The following ASRGL1 variants were observed in gnomAD, a reference collection of about 807,000 sequenced individuals.
The protein encoded by ASRGL1 is isoaspartyl peptidase/L-asparaginase.
ASRGL1 carries 16 observed loss-of-function variants against 22.4 expected under a neutral mutation model. That is an observed-to-expected ratio of 0.71 (90% CI 0.48 to 1.08). ASRGL1 has a LOEUF of 1.08. Among genes scored for constraint, ASRGL1 ranks in the 50% least tolerant of loss-of-function variants. The pLI is 0.00. For missense variants in ASRGL1, 412 were observed against 410.1 expected (o/e 1.00, Z -0.04); for synonymous variants, 165 against 159.3 (o/e 1.04, Z -0.27).
intron 4 of ASRGL1, chr11:62,382,959 T>G (rs1470478300): frequency 6.6e-6 from 1 of 152,238 alleles, no homozygotes; most frequent in Non-Finnish European, 1.5e-5. Flanking sequence ...GACACAGGGT[T>G]GGGGTAGGGT....
chr11:62,372,908 C>T (rs1946811195), intron 4 of ASRGL1: 1 of 1,584,006 alleles, frequency 6.3e-7, no homozygotes, highest in Non-Finnish European at 8.7e-7. Flanking sequence ...GAATCTGGAG[C>T]CTGGCTTGTG....
At position 62,356,342 on chromosome 11, in the gene ASRGL1, A is replaced by C. The variant is rs369577718; in HGVS notation, c.208A>C (p.Asn70His). Residue 70 changes from asparagine to histidine, a missense_variant, in exon 3 of 7, where the codon AAC becomes CAC. Physicochemically the swap from Asn to His is moderately conservative, Grantham distance 68 (BLOSUM62 1). Transcript: ENST00000415229. The part of the protein sequence containing the change: ...EFNAGCGSVL[N>H]TNGEVEMDAS... ...GGTTTTAGGTTGTGGGTCTGTCTTG[A>C]ACACAAATGGTGAGGTTGAAATGGA... 6.2e-7 allele frequency: 1 copy of C among 1,614,022 alleles called. No individual in the cohort carries two copies.
intron 4 of ASRGL1, among the ~76,000 whole-genome samples, chr11:62,359,938 T>A (rs1946393261): frequency 6.6e-6 from 1 of 151,968 alleles, no homozygotes; most frequent in Admixed American, 6.6e-5. Flanking sequence ...TTAATAAAAA[T>A]TTTGTATATT....
chr11:62,391,311 C>T (rs904689769), intron 5 of ASRGL1, among the ~76,000 whole-genome samples: 5 of 152,212 alleles, frequency 3.3e-5, no homozygotes, highest in Non-Finnish European at 7.3e-5. Context: ...CAGGCCTGCC[C>T]CTCTGAGGCT....
chr11:62,348,269 T>G (rs569053502), intron 2 of ASRGL1, among the ~76,000 whole-genome samples: 23 of 152,176 alleles, frequency 1.5e-4, no homozygotes, highest in Non-Finnish European at 2.6e-4. Flanking sequence ...ATAGACCACA[T>G]GGCCAGCCAC....
chr11:62,375,481 T>TATATATATATATATATA (rs1565169625), intron 4 of ASRGL1, among the ~76,000 whole-genome samples: 1 of 84,686 alleles, frequency 1.2e-5, no homozygotes, highest in Non-Finnish European at 2.7e-5. Context: ...TATATATATA[T>TATATATATATATATATA]TTCTTGGAGT....
chr11:62,339,847 T>C (rs1945821505), intron 2 of ASRGL1, among the ~76,000 whole-genome samples: 1 of 152,220 alleles, frequency 6.6e-6, no homozygotes, highest in Admixed American at 6.5e-5. Context: ...AAATACTTCC[T>C]GGAATTATAC....
At chr11:62,373,463 T>TG (rs931128898) in intron 4 of ASRGL1, among the ~76,000 whole-genome samples, 38 of 146,804 alleles carry the variant, frequency 2.6e-4, no homozygotes, top group African/African-American at 9.9e-4. Flanking sequence ...AATCTAGGTG[T>TG]TTTTTTTTTC....
chr11:62,387,540 C>T (rs913681904), intron 4 of ASRGL1, among the ~76,000 whole-genome samples: 8 of 152,162 alleles, frequency 5.3e-5, no homozygotes, highest in African/African-American at 1.7e-4. Context: ...CCACACTGGC[C>T]TCCTTCAAAT....
rs1232305975 is a variant in ASRGL1 at position 62,356,465 on chromosome 11, A to G, written c.331A>G (p.Lys111Glu). The change falls in exon 3 of 7, where the codon AAG becomes GAG. Residue 111 changes from lysine (K) to glutamate (E), a missense_variant and splice_region_variant. Transcript: ENST00000415229. ...PIKLARLVME[K>E]TPHCFLTDQG... Reference sequence around the variant, plus strand: ...TAAACTTGCTCGGCTTGTCATGGAAAAGGTATATGTGACTAAAGCAGCCTT... The same window carrying G: ...TAAACTTGCTCGGCTTGTCATGGAAGAGGTATATGTGACTAAAGCAGCCTT... 3.7e-6 allele frequency: 6 copies of G among 1,614,150 alleles called. No individual in the cohort carries two copies. The South Asian group carries it at 5.5e-5, about 15-fold the overall frequency.
the ASRGL1 span, among the ~76,000 whole-genome samples, chr11:62,399,033 T>C: frequency 6.6e-6 from 1 of 152,080 alleles, no homozygotes; most frequent in Non-Finnish European, 1.5e-5. Context: ...CTGGACGTGG[T>C]GGTGCAAAAC....
intron 4 of ASRGL1, chr11:62,371,048 A>G (rs1410448016): frequency 3.7e-5 from 18 of 484,110 alleles, no homozygotes; most frequent in Non-Finnish European, 4.9e-5. Flanking sequence ...GGGCCAGGAA[A>G]AAAAAAAAAG....
chr11:62,345,313 TC>T (rs1945988901), intron 2 of ASRGL1, among the ~76,000 whole-genome samples: 1 of 152,062 alleles, frequency 6.6e-6, no homozygotes. Flanking sequence ...TTGCTTTTTT[TC>T]CTGGAGTGCA....
At chr11:62,371,374 G>A in intron 4 of ASRGL1, 1 of 715,620 alleles carries the variant, frequency 1.4e-6, no homozygotes, top group South Asian at 2.0e-5. Flanking sequence ...CAAGGTGGGC[G>A]GTGCGGCTGT....
rs754181082 is a variant in ASRGL1 at position 62,356,339 on chromosome 11, T to C, written c.205T>C (p.Leu69=). The C allele has an allele frequency of 1.1e-5, 18 of 1,614,190 alleles. No homozygotes were observed. In the South Asian group the frequency reaches 2.0e-4, roughly 18 times the overall value. The change falls in exon 3 of 7, where the codon TTG becomes CTG. Residue 69 remains leucine (L), a synonymous_variant. Transcript: ENST00000415229. ...TTTGGTTTTAGGTTGTGGGTCTGTC[T>C]TGAACACAAATGGTGAGGTTGAAAT... The part of the protein sequence containing the change: ...PEFNAGCGSV[L]NTNGEVEMDA...
At chr11:62,348,575 C>T (rs1235511602) in intron 2 of ASRGL1, among the ~76,000 whole-genome samples, 2 of 151,918 alleles carry the variant, frequency 1.3e-5, no homozygotes, top group East Asian at 1.9e-4. Context: ...TGGTGTCTCA[C>T]GCCAGTAATC....
intron 4 of ASRGL1, chr11:62,382,997 A>G (rs575496402): frequency 6.6e-6 from 1 of 152,362 alleles, no homozygotes; most frequent in Admixed American, 6.5e-5. Flanking sequence ...TCAAGGCAGA[A>G]GAATTTTTCT....
chr11:62,357,280 C>G (rs1019097628), intron 4 of ASRGL1, 136 bp downstream of exon 4: 99 of 1,008,934 alleles, frequency 9.8e-5, no homozygotes, highest in Non-Finnish European at 1.3e-4. Context: ...CACGGAGTCT[C>G]TCTCTGTTGC....
At chr11:62,351,397 C>T (rs1374158159) in intron 2 of ASRGL1, among the ~76,000 whole-genome samples, 2 of 152,140 alleles carry the variant, frequency 1.3e-5, no homozygotes. Context: ...AGCATGTAAT[C>T]CCAGCACTTT....
Sources: allele counts gnomAD v4.1 joint callset (sites outside exome capture counted in the v4.1 genomes callset), GRCh38; gene constraint gnomAD v4.1.1; transcripts MANE v1.5; gene names NCBI Gene and HGNC (gene_info 2026-07-23, HGNC 2026-07-21).